Variants in ITGA11 observed in about 807,000 individuals in gnomAD.
ITGA11 encodes integrin alpha-11.
A neutral mutation model predicts 141.9 loss-of-function variants in ITGA11; 97 were observed. That is an observed-to-expected ratio of 0.68 (90% CI 0.58 to 0.81). The LOEUF (loss-of-function observed/expected upper bound fraction) is 0.81, where lower values mean the gene tolerates loss of function less well. Ranked by LOEUF, ITGA11 falls within the 30% of genes least tolerant of loss-of-function variation. The pLI is 0.00. For missense variants in ITGA11, 1,387 were observed against 1,559.2 expected, an observed-to-expected ratio of 0.89 and a Z score of 1.86; for synonymous variants, 658 against 624.6, an observed-to-expected ratio of 1.05 and a Z score of -0.80.
At chr15:68,373,246 T>A (rs551505007) in intron 2 of ITGA11, among the ~76,000 whole-genome samples, 1 of 152,244 alleles carries the variant, frequency 6.6e-6, no homozygotes, top group South Asian at 2.1e-4. Context: ...GTGTCATGAT[T>A]CCTTGAGGTC....
At chr15:68,386,748 T>A (rs1318860230) in intron 2 of ITGA11, among the ~76,000 whole-genome samples, 1 of 152,080 alleles carries the variant, frequency 6.6e-6, no homozygotes, top group Non-Finnish European at 1.5e-5. Flanking sequence ...CTTGTACCCT[T>A]CTCTGTGCAC....
At chr15:68,405,683 G>GGA (rs372297860) in intron 1 of ITGA11, among the ~76,000 whole-genome samples, 2 of 151,844 alleles carry the variant, frequency 1.3e-5, no homozygotes, top group South Asian at 2.1e-4. Context: ...ATGTCACAGA[G>GGA]GAGAGAGAGA....
At chr15:68,351,988 CAGG>C (rs1156658103) in intron 7 of ITGA11, among the ~76,000 whole-genome samples, 2 of 151,786 alleles carry the variant, frequency 1.3e-5, no homozygotes, top group Non-Finnish European at 2.9e-5. Flanking sequence ...GAGGCTGAGG[CAGG>C]AGAATTGCTT....
At chr15:68,399,712 T>C (rs1896419174) in intron 2 of ITGA11, among the ~76,000 whole-genome samples, 2 of 152,076 alleles carry the variant, frequency 1.3e-5, no homozygotes, top group African/African-American at 2.4e-5. Flanking sequence ...AAACCTAATA[T>C]GGTGTGTTCT....
chr15:68,388,388 C>A (rs960643895), intron 2 of ITGA11, among the ~76,000 whole-genome samples: 22 of 152,170 alleles, frequency 1.4e-4, no homozygotes, highest in African/African-American at 4.8e-4. Flanking sequence ...GACTATCATC[C>A]TGTCATGGCG....
At chr15:68,430,956 C>T (rs1199973099) in intron 1 of ITGA11, among the ~76,000 whole-genome samples, 2 of 152,246 alleles carry the variant, frequency 1.3e-5, no homozygotes, top group Non-Finnish European at 2.9e-5. Context: ...TCTCCCACTA[C>T]CACCGCATCT....
chr15:68,366,968 C>T lies in ITGA11; in HGVS notation c.266-2170G>A, dbSNP rs112243124. Among the ~76,000 whole-genome samples the T allele has an allele frequency of 6.8e-3, 1,030 of 152,240 alleles. 7 individuals are homozygous for T. Among genetic ancestry groups the T allele is most frequent in the Non-Finnish European group, 0.012 (835 of 68,010 alleles). ...GCATCGTGCTGCCCAGTGCCTGGAA[C>T]GGCCGTAGGAAAACCCAGGACTCAG... On this transcript the variant is annotated intron_variant, in intron 3 of 29. Coordinates refer to ENST00000315757, the MANE Select transcript of ITGA11 (RefSeq NM_001004439.2).
At chr15:68,377,870 G>A (rs189047833) in intron 2 of ITGA11, among the ~76,000 whole-genome samples, 124 of 152,292 alleles carry the variant, frequency 8.1e-4, no homozygotes, top group Non-Finnish European at 3.5e-4. Context: ...GAGTCCTAGG[G>A]GTCAAGGGGA....
chr15:68,314,158 G>A (rs1388616749), intron 22 of ITGA11, among the ~76,000 whole-genome samples: 1 of 152,190 alleles, frequency 6.6e-6, no homozygotes, highest in Non-Finnish European at 1.5e-5. Flanking sequence ...CAGCCTGTTT[G>A]CCTCCCTCAC....
rs1460558031 is a variant in ITGA11 at position 68,304,853 on chromosome 15, T to C, written c.3382-968A>G. ...GCCCAGCAGCAAAGTCTGTCCATTC[T>C]ACCTTGGAAACACCTGGAATGTGGC... On this transcript the variant is annotated intron_variant, in intron 28 of 29. Transcript: ENST00000315757. The surrounding 1 kb of genome is among the most constrained non-coding windows in gnomAD (Gnocchi z 6.1). 6.6e-6 allele frequency among the ~76,000 whole-genome samples: 1 copy of C among 152,252 alleles called. No homozygotes were observed. The highest frequency in any genetic ancestry group is 1.5e-5 in the Non-Finnish European group (1 of 68,046).
intron 1 of ITGA11, among the ~76,000 whole-genome samples, chr15:68,420,053 G>A (rs1372046609): frequency 6.6e-6 from 1 of 152,146 alleles, no homozygotes. Context: ...GACAGATTCT[G>A]GCTTGGTGGT....
chr15:68,420,726 T>C (rs898593), intron 1 of ITGA11, among the ~76,000 whole-genome samples: 53,666 of 152,166 alleles, frequency 0.35, 11,536 homozygotes, highest in Non-Finnish European at 0.47. Context: ...ACTTGTGTAC[T>C]CTGGCCAAGC....
Position 68,315,725 on chromosome 15 carries a change from C to T in ITGA11, c.2718G>A (p.Val906=), listed in dbSNP as rs1394289321. ...TGAACTCAAAATCAAGACGGAAAGC[C>T]ACCTGCAAGGAAGCAGTCGCATGTC... is the stretch of plus-strand genomic sequence containing the variant. ...SYPFFRAKAK[V]AFRLDFEFSK... is the part of the protein sequence containing the mutation. The change falls in exon 22 of 30, where the codon GTG becomes GTA. Residue 906 remains valine, a splice_region_variant and synonymous_variant. Transcript: ENST00000315757. 6.2e-7 allele frequency: 1 copy of T among 1,610,542 alleles called. No individual in the cohort carries two copies. Among genetic ancestry groups the T allele is most frequent in the Non-Finnish European group, 8.5e-7 (1 of 1,178,246 alleles).
intron 4 of ITGA11, 79 bp downstream of exon 4, chr15:68,364,628 G>A: frequency 1.1e-6 from 1 of 915,160 alleles, no homozygotes. Flanking sequence ...GGACATGAGG[G>A]TGTGTAAGGA....
At chr15:68,313,230 C>T (rs4777036) in intron 23 of ITGA11, among the ~76,000 whole-genome samples, 106,843 of 151,304 alleles carry the variant, frequency 0.71, 38,138 homozygotes, top group East Asian at 1. Context: ...TTCCTCTCCG[C>T]ATCTGCTGTT....
At chr15:68,354,223 G>A (rs1407837014) in intron 7 of ITGA11, among the ~76,000 whole-genome samples, 3 of 152,004 alleles carry the variant, frequency 2.0e-5, no homozygotes, top group Non-Finnish European at 4.4e-5. Flanking sequence ...GCTCACGATG[G>A]CACGGTATTT....
rs1893228250 is a variant in ITGA11 at position 68,307,227 on chromosome 15, G to GA, written c.3381+120dup. The GA allele has an allele frequency of 1.4e-6, 1 of 708,390 alleles. No homozygotes were observed. The highest frequency in any genetic ancestry group is 2.6e-5 in the Admixed American group (1 of 38,024). The allele number at this position is 708,390 out of a possible 1,614,324, so 43.9% of individuals were successfully genotyped here. ...GCCCTAACAGCCCACAGGTCTGCCT[G>GA]ATTCTCTCCTGCTGGGACATGCAGC... is the stretch of plus-strand genomic sequence containing the variant. On this transcript the variant is annotated intron_variant, in intron 28 of 29. Transcript: ENST00000315757. The surrounding 1 kb of genome is among the most constrained non-coding windows in gnomAD (Gnocchi z 6.1).
At chr15:68,382,315 G>A (rs895075439) in intron 2 of ITGA11, among the ~76,000 whole-genome samples, 1 of 152,188 alleles carries the variant, frequency 6.6e-6, no homozygotes, top group African/African-American at 2.4e-5. Flanking sequence ...GTCACAGGGT[G>A]AGCCATCCCG....
Position 68,320,179 on chromosome 15 carries a change from T to A in ITGA11, c.2616+6A>T. The A allele has an allele frequency of 6.2e-7, 1 of 1,613,582 alleles. No individual in the cohort carries two copies. The highest frequency in any genetic ancestry group is 2.2e-5 in the East Asian group (1 of 44,860). On this transcript the variant is annotated splice_donor_region_variant and intron_variant, in intron 20 of 29. Coordinates refer to ENST00000315757, the MANE Select transcript of ITGA11 (RefSeq NM_001004439.2). ...AGGCAGTCTGGGCAGGTCGCTGAGG[T>A]CTTACCTTCTGGATCAAGCTGGCAA... is the stretch of plus-strand genomic sequence containing the variant.
Sources: allele counts gnomAD v4.1 joint callset (sites outside exome capture counted in the v4.1 genomes callset), GRCh38; gene constraint gnomAD v4.1.1; non-coding constraint Gnocchi (gnomAD v3.1); transcripts MANE v1.5; gene names NCBI Gene and HGNC (gene_info 2026-07-23, HGNC 2026-07-21).